GRM8: variants seen among roughly 807,000 people sequenced by gnomAD.
GRM8 encodes the protein glutamate metabotropic receptor 8, also known as metabotropic glutamate receptor 8.
In GRM8, 47 loss-of-function variants were observed where a neutral mutation model predicts 87.2. That is an observed-to-expected ratio of 0.54 (90% CI 0.43 to 0.69). The LOEUF is 0.69. Among genes scored for constraint, GRM8 ranks in the 30% least tolerant of loss-of-function variants. GRM8 has a pLI of 0.00. For missense variants in GRM8, 1,019 were observed against 1,139.2 expected, an observed-to-expected ratio of 0.89 and a Z score of 1.52; for synonymous variants, 396 against 404.5, an observed-to-expected ratio of 0.98 and a Z score of 0.25.
intron 6 of GRM8, among the ~76,000 whole-genome samples, chr7:126,875,983 T>C (rs546415692): frequency 1.5e-3 from 223 of 152,258 alleles, no homozygotes; most frequent in Admixed American, 2.5e-3. Context: ...AATCTCTTCT[T>C]GTCTTTAATG....
intron 3 of GRM8, among the ~76,000 whole-genome samples, chr7:126,960,026 T>C (rs927471096): frequency 7.9e-5 from 12 of 152,338 alleles, no homozygotes; most frequent in Middle Eastern, 3.4e-3. Context: ...ATTTTTGTTA[T>C]TGAGCTCTTT....
chr7:126,810,555 T>C (rs1793191627), intron 6 of GRM8, among the ~76,000 whole-genome samples: 1 of 152,180 alleles, frequency 6.6e-6, no homozygotes, highest in Non-Finnish European at 1.5e-5. Flanking sequence ...CCTTACACAG[T>C]ACAGACATTA....
intron 7 of GRM8, among the ~76,000 whole-genome samples, chr7:126,614,245 C>T (rs894391827): frequency 6.6e-6 from 1 of 152,150 alleles, no homozygotes; most frequent in Non-Finnish European, 1.5e-5. Context: ...GCAGCCTCCA[C>T]TGCTGATACC....
At chr7:126,792,736 T>C (rs1344154116) in intron 6 of GRM8, among the ~76,000 whole-genome samples, 3 of 152,192 alleles carry the variant, frequency 2.0e-5, no homozygotes, top group Non-Finnish European at 2.9e-5. Context: ...ATCCCAGGCA[T>C]GAATAGTGTA....
intron 7 of GRM8, among the ~76,000 whole-genome samples, chr7:126,759,587 G>C (rs143698464): frequency 2.0e-5 from 3 of 152,022 alleles, no homozygotes; most frequent in African/African-American, 7.2e-5. Flanking sequence ...AAAATACCCT[G>C]TTGGTTGGTG....
intron 2 of GRM8, among the ~76,000 whole-genome samples, chr7:127,238,351 A>G (rs1203325590): frequency 6.6e-6 from 1 of 150,868 alleles, no homozygotes; most frequent in Non-Finnish European, 1.5e-5. Context: ...AGGGTACACT[A>G]GTGCATCTAA....
intron 2 of GRM8, among the ~76,000 whole-genome samples, chr7:127,213,491 TG>T (rs1340501536): frequency 1.3e-5 from 2 of 152,226 alleles, no homozygotes; most frequent in Admixed American, 1.3e-4. Flanking sequence ...AAATTATGTG[TG>T]TAGCTCACAT....
intron 2 of GRM8, among the ~76,000 whole-genome samples, chr7:127,198,648 T>G (rs1166050566): frequency 1.3e-5 from 2 of 151,896 alleles, no homozygotes; most frequent in African/African-American, 2.4e-5. Flanking sequence ...TATTGTCCAG[T>G]GCTATTTTTC....
chr7:127,213,619 C>T (rs1447500781), intron 2 of GRM8, among the ~76,000 whole-genome samples: 1 of 152,162 alleles, frequency 6.6e-6, no homozygotes, highest in Non-Finnish European at 1.5e-5. Flanking sequence ...ATCTCTTAAT[C>T]TCCTTTTCTA....
At chr7:126,980,648 AC>A (rs1811428264) in intron 3 of GRM8, among the ~76,000 whole-genome samples, 1 of 152,110 alleles carries the variant, frequency 6.6e-6, no homozygotes, top group Non-Finnish European at 1.5e-5. Context: ...AGTACAACAA[AC>A]TACTAGGCAT....
At chr7:126,519,933 A>G (rs1484580474) in intron 9 of GRM8, among the ~76,000 whole-genome samples, 1 of 152,140 alleles carries the variant, frequency 6.6e-6, no homozygotes, top group Non-Finnish European at 1.5e-5. Context: ...CAGAGTCTAA[A>G]CAGGGTAAAA....
At chr7:126,798,692 G>A (rs533945231) in intron 6 of GRM8, among the ~76,000 whole-genome samples, 3 of 152,136 alleles carry the variant, frequency 2.0e-5, no homozygotes, top group African/African-American at 7.2e-5. Context: ...TCAACAAGAC[G>A]TTTTACTAAA....
At chr7:126,875,781 G>A (rs1163459517) in intron 6 of GRM8, among the ~76,000 whole-genome samples, 2 of 151,664 alleles carry the variant, frequency 1.3e-5, no homozygotes. Context: ...GTTTTTAATG[G>A]GTCTCCCTAT....
chr7:127,141,733 A>G (rs541800030), intron 2 of GRM8, among the ~76,000 whole-genome samples: 3 of 152,322 alleles, frequency 2.0e-5, no homozygotes, highest in East Asian at 3.9e-4. Context: ...CAGCATCTGT[A>G]TGGAGAAGAA....
intron 6 of GRM8, among the ~76,000 whole-genome samples, chr7:126,775,988 C>A (rs1819431293): frequency 6.6e-6 from 1 of 152,080 alleles, no homozygotes; most frequent in South Asian, 2.1e-4. Flanking sequence ...TCATTCCTTG[C>A]CTAGATGTTT....
At chr7:126,573,313 C>G (rs1388875119) in intron 8 of GRM8, among the ~76,000 whole-genome samples, 1 of 151,842 alleles carries the variant, frequency 6.6e-6, no homozygotes, top group Non-Finnish European at 1.5e-5. Context: ...TGGCTCAAAA[C>G]AAACAAACAA....
intron 9 of GRM8, among the ~76,000 whole-genome samples, chr7:126,482,789 G>A (rs1806850009): frequency 1.3e-5 from 2 of 151,976 alleles, no homozygotes; most frequent in South Asian, 2.1e-4. Context: ...ATGGTTGAGA[G>A]TAAATTTTAT....
intron 7 of GRM8, among the ~76,000 whole-genome samples, chr7:126,728,207 A>G (rs1368200361): frequency 3.9e-5 from 6 of 152,146 alleles, no homozygotes; most frequent in Non-Finnish European, 8.8e-5. Flanking sequence ...ACTGCAGCAC[A>G]TGGGTAGCAA....
chr7:127,100,941 A>T (rs969164619), intron 3 of GRM8, among the ~76,000 whole-genome samples: 1 of 152,188 alleles, frequency 6.6e-6, no homozygotes, highest in Non-Finnish European at 1.5e-5. Flanking sequence ...TTGTATGAGA[A>T]TGAGCTTTGA....
Sources: allele counts gnomAD v4.1 joint callset (sites outside exome capture counted in the v4.1 genomes callset), GRCh38; gene constraint gnomAD v4.1.1; transcripts MANE v1.5; gene names NCBI Gene and HGNC (gene_info 2026-07-23, HGNC 2026-07-21).